The following ARHGAP6 variants were observed in gnomAD, a reference collection of about 807,000 sequenced individuals.
ARHGAP6 encodes the protein Rho GTPase activating protein 6.
In ARHGAP6, 16 loss-of-function variants were observed where a neutral mutation model predicts 55.7. The ratio of observed to expected loss-of-function variants is 0.29; its 90% CI spans 0.19 to 0.44. The LOEUF (loss-of-function observed/expected upper bound fraction) is 0.44, where lower values mean the gene tolerates loss of function less well. Ranked by LOEUF, ARHGAP6 falls within the 20% of genes least tolerant of loss-of-function variation. The pLI, the probability that ARHGAP6 is intolerant of heterozygous loss-of-function variation, is 1.00. For synonymous variants in ARHGAP6, 382 were observed against 360.9 expected, an observed-to-expected ratio of 1.06 and a Z score of -0.66; for missense variants, 698 against 808.9, an observed-to-expected ratio of 0.86 and a Z score of 1.66.
intron 2 of ARHGAP6, among the ~76,000 whole-genome samples, chrX:11,246,859 C>G (rs990815776): frequency 8.9e-6 from 1 of 112,117 alleles, no homozygotes; most frequent in African/African-American, 3.2e-5. Context: ...AAGGCTTTGG[C>G]AGACAGTTCT....
intron 2 of ARHGAP6, among the ~76,000 whole-genome samples, chrX:11,213,211 A>G (rs955649749): frequency 1.6e-4 from 18 of 113,042 alleles, no homozygotes; most frequent in Non-Finnish European, 3.0e-4. Context: ...TGCAATGGCC[A>G]TCACCCCGTG....
intron 1 of ARHGAP6, chrX:11,298,311 A>C (rs1339522368): frequency 8.4e-7 from 1 of 1,183,504 alleles, no homozygotes; most frequent in African/African-American, 1.8e-5. Flanking sequence ...TTCCCTGAAA[A>C]TATTAGGCAT....
chrX:11,654,493 G>A (rs1308974449), intron 1 of ARHGAP6, among the ~76,000 whole-genome samples: 3 of 111,797 alleles, frequency 2.7e-5, no homozygotes, highest in Non-Finnish European at 5.6e-5. Flanking sequence ...TCGATAGGTG[G>A]TTTCTAGAAT....
chrX:11,595,155 T>G (rs2051885638), intron 1 of ARHGAP6, among the ~76,000 whole-genome samples: 1 of 110,774 alleles, frequency 9.0e-6, no homozygotes, highest in Non-Finnish European at 1.9e-5. Context: ...CCGGGTATGG[T>G]GGCGTACGCC....
chrX:11,477,364 G>A (rs2050414235), intron 1 of ARHGAP6, among the ~76,000 whole-genome samples: 1 of 111,553 alleles, frequency 9.0e-6, no homozygotes, highest in African/African-American at 3.2e-5. Context: ...ACAAATGTTG[G>A]TAAGAATATG....
chrX:11,220,147 G>A (rs1200253275), intron 2 of ARHGAP6, among the ~76,000 whole-genome samples: 1 of 108,943 alleles, frequency 9.2e-6, no homozygotes, highest in Non-Finnish European at 1.9e-5. Flanking sequence ...AAATAGGGAA[G>A]CCTTTCCCCA....
intron 1 of ARHGAP6, among the ~76,000 whole-genome samples, chrX:11,353,890 G>T (rs2048893381): frequency 9.0e-6 from 1 of 110,828 alleles, no homozygotes; most frequent in African/African-American, 3.3e-5. Flanking sequence ...TTTTTAATGA[G>T]CTAACAATCG....
chrX:11,451,354 G>A (rs2050141943), intron 1 of ARHGAP6, among the ~76,000 whole-genome samples: 2 of 111,669 alleles, frequency 1.8e-5, no homozygotes, highest in Non-Finnish European at 1.9e-5. Context: ...AACAAAGCCG[G>A]AGTATATTTT....
At chrX:11,216,720 CTTTTT>C (rs1169638012) in intron 2 of ARHGAP6, among the ~76,000 whole-genome samples, 1 of 111,250 alleles carries the variant, frequency 9.0e-6, no homozygotes, top group East Asian at 2.8e-4. Flanking sequence ...TAACTTTTTT[CTTTTT>C]TTATTATACT....
chrX:11,287,939 G>C (rs1427920429), intron 1 of ARHGAP6, among the ~76,000 whole-genome samples: 1 of 112,475 alleles, frequency 8.9e-6, no homozygotes, highest in Non-Finnish European at 1.9e-5. Context: ...GCAGTGCTGG[G>C]TTCCTGCCAG....
At chrX:11,179,565 C>G (rs942614235) in intron 6 of ARHGAP6, 113 bp from the exon 7 acceptor site, 19 of 905,197 alleles carry the variant, frequency 2.1e-5, no homozygotes, top group Non-Finnish European at 2.7e-5. Context: ...TGCACAGACC[C>G]CAAGAAGGGG....
intron 10 of ARHGAP6, among the ~76,000 whole-genome samples, chrX:11,146,540 C>A (rs1476706604): frequency 1.8e-5 from 2 of 112,777 alleles, no homozygotes; most frequent in East Asian, 5.6e-4. Flanking sequence ...TGTGAGTACA[C>A]ATGGCAAGCA....
chrX:11,457,277 C>T (rs1210232755), intron 1 of ARHGAP6, among the ~76,000 whole-genome samples: 1 of 111,863 alleles, frequency 8.9e-6, no homozygotes, highest in East Asian at 2.8e-4. Flanking sequence ...GCTCCAGTCC[C>T]TCCAAGCCCC....
rs756968232 is a variant in ARHGAP6 at position 11,298,739 on chromosome X, C to A, written c.589-44032G>T. On this transcript the variant is annotated intron_variant, in intron 1 of 12. Transcript: ENST00000337414. The stretch of plus-strand genomic sequence containing the variant: ...CTGGCCAACACTCCATGACTCCAAT[C>A]CAACACCACCAGCCAAACCTCCCTC... The A allele has an allele frequency of 3.0e-5, 36 of 1,208,630 alleles. No individual in the cohort carries two copies. The Admixed American group carries it at 7.9e-4, about 27-fold the overall frequency.
intron 1 of ARHGAP6, among the ~76,000 whole-genome samples, chrX:11,396,957 A>G (rs1240369101): frequency 9.0e-6 from 1 of 111,385 alleles, no homozygotes; most frequent in Non-Finnish European, 1.9e-5. Context: ...ACAAACACAC[A>G]CATGTGCACA....
chrX:11,429,080 G>A lies in ARHGAP6; in HGVS notation c.589-174373C>T, dbSNP rs751192540. ...GCGATCCAAATGTACACCAACTGAT[G>A]CATGACAAACCAACTGTAGTCTGTG... On this transcript the variant is annotated intron_variant, in intron 1 of 12. Coordinates refer to ENST00000337414, the MANE Select transcript of ARHGAP6 (RefSeq NM_013427.3). Among the ~76,000 whole-genome samples, 45 of 112,346 alleles carry A rather than the reference G, an allele frequency of 4.0e-4. 1 individual carries two copies. Among genetic ancestry groups the A allele is most frequent in the African/African-American group, 1.4e-3 (43 of 30,928 alleles).
intron 2 of ARHGAP6, among the ~76,000 whole-genome samples, chrX:11,241,813 T>C: frequency 9.0e-6 from 1 of 111,504 alleles, no homozygotes; most frequent in African/African-American, 3.3e-5. Context: ...ATTTCCAAAA[T>C]CTCTTTCCAA....
At chrX:11,354,317 C>CTATA (rs2048903592) in intron 1 of ARHGAP6, among the ~76,000 whole-genome samples, 1 of 68,350 alleles carries the variant, frequency 1.5e-5, no homozygotes, top group Non-Finnish European at 2.7e-5. Context: ...CTCTCTCTCT[C>CTATA]TCTCTCTCTC....
chrX:11,532,733 T>A (rs7051934), intron 1 of ARHGAP6, among the ~76,000 whole-genome samples: 11,601 of 112,344 alleles, frequency 0.1, 720 homozygotes, highest in African/African-American at 0.22. Context: ...GCCACACTCA[T>A]TCATTTACAT....
Sources: allele counts gnomAD v4.1 joint callset (sites outside exome capture counted in the v4.1 genomes callset), GRCh38; gene constraint gnomAD v4.1.1; transcripts MANE v1.5; gene names NCBI Gene and HGNC (gene_info 2026-07-23, HGNC 2026-07-21).